APOOL: variants seen among roughly 807,000 people sequenced by gnomAD.
APOOL encodes the protein apolipoprotein O like, also known as MICOS complex subunit MIC27.
Under a neutral mutation model 23.1 loss-of-function variants are expected in APOOL, and 12 were observed. The ratio of observed to expected loss-of-function variants is 0.52; its 90% CI spans 0.33 to 0.84. The LOEUF is 0.84. APOOL is among the 40% of genes least tolerant of loss of function. The pLI, the probability that APOOL is intolerant of heterozygous loss-of-function variation, is 0.02. For synonymous variants in APOOL, 77 were observed against 69.9 expected (o/e 1.10, Z -0.51); for missense variants, 212 against 199.6 (o/e 1.06, Z -0.37).
Position 85,087,683 on chromosome X carries a change from G to C in APOOL, c.*5G>C. 1.7e-6 allele frequency: 2 copies of C among 1,170,562 alleles called. No individual in the cohort carries two copies. Among genetic ancestry groups the C allele is most frequent in the South Asian group, 3.9e-5 (2 of 50,678 alleles). On this transcript the variant is annotated 3_prime_UTR_variant, in exon 9 of 9. Coordinates refer to ENST00000373173, the MANE Select transcript of APOOL (RefSeq NM_198450.6). ...ATGTACAGCACTAGAAGCTGAAGTAGACTGCATGCAGAGACTACACAGAAA... is the reference window on the plus strand; with the variant it reads ...ATGTACAGCACTAGAAGCTGAAGTACACTGCATGCAGAGACTACACAGAAA...
chrX:85,067,265 T>C (rs1333586458), intron 6 of APOOL, 47 bp downstream of exon 6: 4 of 857,605 alleles, frequency 4.7e-6, no homozygotes, highest in Admixed American at 2.9e-5. Context: ...TTGTTTAAAC[T>C]CTCAATGTGA....
chrX:85,074,270 A>ACAG lies in APOOL; in HGVS notation c.601-2_601dup, dbSNP rs1203887142. ...TATGAAGGAAAAATCTGTTTGGTAA[A>ACAG]CAGCTAGGATCCTCTTCCGAAATAG... On this transcript the variant is annotated splice_polypyrimidine_tract_variant and splice_region_variant and intron_variant, in intron 7 of 8. Transcript: ENST00000373173. The ACAG allele has an allele frequency of 5.0e-6, 6 of 1,208,632 alleles. No individual in the cohort carries two copies. The highest frequency in any genetic ancestry group is 6.7e-6 in the Non-Finnish European group (6 of 894,584).
intron 5 of APOOL, among the ~76,000 whole-genome samples, chrX:85,062,299 T>C (rs923850213): frequency 3.6e-5 from 4 of 111,518 alleles, no homozygotes; most frequent in Non-Finnish European, 7.5e-5. Context: ...TTGCAAAAAT[T>C]TTCTCCCATT....
intron 1 of APOOL, among the ~76,000 whole-genome samples, chrX:85,016,745 C>G (rs998892479): frequency 1.8e-5 from 2 of 112,045 alleles, no homozygotes; most frequent in Admixed American, 1.9e-4. Context: ...TAGACTTTCT[C>G]TACTGTGCCC....
chrX:85,075,539 C>T (rs183871606), intron 8 of APOOL, among the ~76,000 whole-genome samples: 2 of 111,773 alleles, frequency 1.8e-5, no homozygotes, highest in East Asian at 2.8e-4. Flanking sequence ...TACTATTTTC[C>T]TCTGTCCTCT....
At position 85,067,147 on chromosome X, in the gene APOOL, A is replaced by G. The variant is rs760546424; in HGVS notation, c.415A>G (p.Thr139Ala). ...TATAGGTTCCAAGTTTAAGAAAATT[A>G]CTTATCCTCTGGGACTGGCCACTTT... Reference protein sequence around the residue: ...ARKGSKFKKITYPLGLATLGA... With the variant: ...ARKGSKFKKIAYPLGLATLGA... Residue 139 changes from threonine to alanine, a missense_variant, in exon 6 of 9, where the codon ACT becomes GCT. Physicochemically the swap from Thr to Ala is moderately conservative, Grantham distance 58 (BLOSUM62 0). Transcript: ENST00000373173. 1.3e-5 allele frequency: 15 copies of G among 1,153,862 alleles called. No individual in the cohort carries two copies. In the East Asian group the frequency reaches 3.9e-4, roughly 30 times the overall value.
In APOOL at chrX:85,087,678, A is replaced by G; in HGVS notation, c.807A>G (p.Ter269TrpextTer30). 1 of 1,175,264 alleles carries G rather than the reference A, an allele frequency of 8.5e-7. No homozygotes were observed. Among genetic ancestry groups the G allele is most frequent in the Non-Finnish European group, 1.1e-6 (1 of 875,831 alleles). The change falls in exon 9 of 9, where the codon TGA becomes TGG. Residue 269 changes from the stop codon to tryptophan, a stop_lost. Coordinates refer to ENST00000373173, the MANE Select transcript of APOOL (RefSeq NM_198450.6). ...TAGATATGTACAGCACTAGAAGCTG[A>G]AGTAGACTGCATGCAGAGACTACAC... ...EDIDMYSTRS[*>W]
At chrX:85,058,888 T>C (rs1024219477) in intron 5 of APOOL, among the ~76,000 whole-genome samples, 2 of 111,137 alleles carry the variant, frequency 1.8e-5, no homozygotes, top group African/African-American at 6.5e-5. Context: ...AATTTTATTA[T>C]TATTATACTT....
intron 1 of APOOL, among the ~76,000 whole-genome samples, chrX:85,043,079 A>C (rs1292052220): frequency 1.8e-5 from 2 of 111,098 alleles, no homozygotes; most frequent in Admixed American, 9.6e-5. Flanking sequence ...CTTACGGGTA[A>C]GTTACCTCAT....
chrX:85,030,281 C>T (rs754062566), intron 1 of APOOL, among the ~76,000 whole-genome samples: 7 of 110,798 alleles, frequency 6.3e-5, no homozygotes, highest in Non-Finnish European at 1.3e-4. Context: ...CATATGTTCT[C>T]ACTTATAAGT....
Position 85,015,541 on chromosome X carries a change from A to ATT in APOOL, c.15+11614_15+11615insTT, listed in dbSNP as rs1569453063. ...TTTTCCTTCTTAAGGATCGGACTTT[A>ATT]ATATTTATTTATTTATTTATTTATT... is the stretch of plus-strand genomic sequence containing the variant. On this transcript the variant is annotated intron_variant, in intron 1 of 8. Coordinates refer to ENST00000373173, the MANE Select transcript of APOOL (RefSeq NM_198450.6). Among the ~76,000 whole-genome samples the ATT allele has an allele frequency of 1.0e-4, 10 of 96,038 alleles. No individual in the cohort carries two copies. The South Asian group carries it at 4.3e-3, about 41-fold the overall frequency. The allele number at this position is 96,038 out of a possible 115,157, so 83.4% of individuals were successfully genotyped here. A position where few individuals can be genotyped will look rare whatever the true frequency, so the allele number is the denominator to read the frequency against.
chrX:85,080,737 G>T (rs972894040), intron 8 of APOOL, among the ~76,000 whole-genome samples: 5 of 111,369 alleles, frequency 4.5e-5, no homozygotes, highest in South Asian at 7.6e-4. Flanking sequence ...AAGTCTCTTT[G>T]TAGGTCATTA....
At chrX:85,086,372 A>G (rs1053972775) in intron 8 of APOOL, among the ~76,000 whole-genome samples, 1 of 111,505 alleles carries the variant, frequency 9.0e-6, no homozygotes, top group Non-Finnish European at 1.9e-5. Context: ...AGCAATTCAA[A>G]TTTAACACAT....
At position 85,027,943 on chromosome X, in the gene APOOL, C is replaced by T. The variant is rs752506345; in HGVS notation, c.16-18503C>T. On this transcript the variant is annotated intron_variant, in intron 1 of 8. Transcript: ENST00000373173. The stretch of plus-strand genomic sequence containing the variant: ...GTTTGGGCTGTTGCAAATAAAGCTG[C>T]TACAAACAATTGTGTACAGGATTTT... Among the ~76,000 whole-genome samples, 224 of 111,987 alleles carry T rather than the reference C, an allele frequency of 2.0e-3. 1 individual carries two copies. Among genetic ancestry groups the T allele is most frequent in the African/African-American group, 6.8e-3 (210 of 30,818 alleles).
At chrX:85,061,106 GT>G (rs1923200785) in intron 5 of APOOL, among the ~76,000 whole-genome samples, 1 of 111,178 alleles carries the variant, frequency 9.0e-6, no homozygotes, top group Non-Finnish European at 1.9e-5. Context: ...GTTGAATTTT[GT>G]CAAAGGCCTT....
intron 1 of APOOL, among the ~76,000 whole-genome samples, chrX:85,013,264 G>T (rs1328101438): frequency 2.7e-5 from 3 of 111,136 alleles, no homozygotes; most frequent in Non-Finnish European, 3.8e-5. Flanking sequence ...TTTCTTAATC[G>T]TTTCAAATAA....
In APOOL at chrX:85,087,681, T is replaced by C; in HGVS notation, c.*3T>C. 1 of 1,169,815 alleles carries C rather than the reference T, an allele frequency of 8.5e-7. No individual in the cohort carries two copies. The highest frequency in any genetic ancestry group is 1.1e-6 in the Non-Finnish European group (1 of 872,462). On this transcript the variant is annotated 3_prime_UTR_variant, in exon 9 of 9. Coordinates refer to ENST00000373173, the MANE Select transcript of APOOL (RefSeq NM_198450.6). ...ATATGTACAGCACTAGAAGCTGAAGTAGACTGCATGCAGAGACTACACAGA... is the reference window on the plus strand; with the variant it reads ...ATATGTACAGCACTAGAAGCTGAAGCAGACTGCATGCAGAGACTACACAGA...
At chrX:85,051,328 A>G in intron 2 of APOOL, 61 bp from the exon 3 acceptor site, 1 of 1,172,175 alleles carries the variant, frequency 8.5e-7, no homozygotes, top group Non-Finnish European at 1.2e-6. Flanking sequence ...GTTCTGCCAT[A>G]CCGCTGTTAT....
intron 5 of APOOL, among the ~76,000 whole-genome samples, chrX:85,059,959 A>G (rs1437023750): frequency 9.2e-6 from 1 of 109,070 alleles, no homozygotes; most frequent in Non-Finnish European, 1.9e-5. Flanking sequence ...GCCCATGCCT[A>G]TGTCCTGAAT....
Sources: gnomAD v4.1 joint callset for allele counts (sites outside exome capture counted in the v4.1 genomes callset) on GRCh38, gnomAD v4.1.1 for gene constraint, MANE v1.5 for transcripts, NCBI Gene and HGNC (gene_info 2026-07-23, HGNC 2026-07-21) for gene names.